The following AMBRA1 variants were observed in gnomAD, a reference collection of about 807,000 sequenced individuals.
AMBRA1 encodes the protein autophagy and beclin 1 regulator 1, also known as activating molecule in BECN1-regulated autophagy protein 1.
Under a neutral mutation model 125.4 loss-of-function variants are expected in AMBRA1, and 47 were observed. The observed-to-expected ratio is 0.37, with a 90% CI of 0.30 to 0.48. The LOEUF (loss-of-function observed/expected upper bound fraction) is 0.48, where lower values mean the gene tolerates loss of function less well. AMBRA1 is among the 20% of genes least tolerant of loss of function. AMBRA1 has a pLI of 0.99. For missense variants in AMBRA1, 1,331 were observed against 1,693.4 expected, an observed-to-expected ratio of 0.79 and a Z score of 3.76; for synonymous variants, 626 against 655.5, an observed-to-expected ratio of 0.95 and a Z score of 0.69.
chr11:46,468,664 T>A (rs541943038), intron 11 of AMBRA1, among the ~76,000 whole-genome samples: 85 of 145,722 alleles, frequency 5.8e-4, no homozygotes, highest in African/African-American at 2.0e-3. Context: ...AAAAAAAAAA[T>A]AGCCGGGTGT....
intron 1 of AMBRA1, among the ~76,000 whole-genome samples, chr11:46,573,756 G>A (rs541724669): frequency 5.8e-4 from 87 of 149,358 alleles, no homozygotes; most frequent in Non-Finnish European, 7.7e-4. Flanking sequence ...ATGCTGGTGC[G>A]CTGCACCCAC....
At chr11:46,552,816 A>G (rs1234068565) in intron 1 of AMBRA1, among the ~76,000 whole-genome samples, 1 of 152,200 alleles carries the variant, frequency 6.6e-6, no homozygotes, top group Non-Finnish European at 1.5e-5. Flanking sequence ...AAATACAATA[A>G]ATACTAACCA....
At chr11:46,400,820 C>T (rs1434080158) in intron 17 of AMBRA1, among the ~76,000 whole-genome samples, 2 of 152,076 alleles carry the variant, frequency 1.3e-5, no homozygotes, top group East Asian at 1.9e-4. Flanking sequence ...GCATTATGTC[C>T]TCTCTTGCTT....
intron 14 of AMBRA1, among the ~76,000 whole-genome samples, chr11:46,431,473 C>A (rs1947454599): frequency 6.6e-6 from 1 of 152,216 alleles, no homozygotes; most frequent in African/African-American, 2.4e-5. Flanking sequence ...ACCTTGGCTT[C>A]TGCTTTGTAA....
At chr11:46,406,372 TAAAA>T (rs529275776) in intron 17 of AMBRA1, among the ~76,000 whole-genome samples, 1 of 81,526 alleles carries the variant, frequency 1.2e-5, no homozygotes, top group Non-Finnish European at 2.3e-5. Flanking sequence ...ATCTTTAAAT[TAAAA>T]AAAAAAAAAA....
chr11:46,569,428 TA>T (rs60592464), intron 1 of AMBRA1, among the ~76,000 whole-genome samples: 1,884 of 127,024 alleles, frequency 0.015, 51 homozygotes, highest in East Asian at 0.097. Flanking sequence ...ACTGAGAGAT[TA>T]AAAAAAAAAA....
intron 11 of AMBRA1, among the ~76,000 whole-genome samples, chr11:46,478,658 T>TA (rs573405657): frequency 6.7e-5 from 9 of 135,038 alleles, no homozygotes; most frequent in Non-Finnish European, 1.1e-4. Flanking sequence ...CTTTTTTTTT[T>TA]TTTTTTTTTT....
rs866777974 is a variant in AMBRA1, at chr11:46,495,675, C to T, written c.2340-1471G>A. On this transcript the variant is annotated intron_variant, in intron 9 of 17. Coordinates refer to ENST00000683756, the MANE Select transcript of AMBRA1 (RefSeq NM_001387011.1). ...CCAGCAGACTGCAGTTACTGGGGAG[C>T]CCACAAATTATACATGTACACAGAG... Among the ~76,000 whole-genome samples the T allele has an allele frequency of 4.6e-5, 7 of 152,226 alleles. No homozygotes were observed. In the South Asian group the frequency reaches 6.2e-4, roughly 14 times the overall value.
intron 1 of AMBRA1, among the ~76,000 whole-genome samples, chr11:46,550,078 C>T (rs2042945706): frequency 6.6e-6 from 1 of 152,222 alleles, no homozygotes; most frequent in Admixed American, 6.5e-5. Context: ...CTCAGCCTCC[C>T]AAAGTGCTGG....
chr11:46,564,094 A>T (rs1397152016), intron 1 of AMBRA1, among the ~76,000 whole-genome samples: 1 of 146,076 alleles, frequency 6.8e-6, no homozygotes, highest in African/African-American at 2.5e-5. Context: ...CAGTGAGCCG[A>T]GATGGCGCCA....
At chr11:46,495,685 A>G (rs551486820) in intron 9 of AMBRA1, among the ~76,000 whole-genome samples, 7 of 152,364 alleles carry the variant, frequency 4.6e-5, no homozygotes, top group African/African-American at 1.7e-4. Context: ...CCCACAAATT[A>G]TACATGTACA....
chr11:46,413,296 A>G (rs754805933), intron 15 of AMBRA1, among the ~76,000 whole-genome samples: 6 of 152,256 alleles, frequency 3.9e-5, no homozygotes, highest in Non-Finnish European at 7.4e-5. Context: ...TTGCTCCACT[A>G]TGCCTCCCCA....
chr11:46,565,603 A>G (rs1158135609), intron 1 of AMBRA1, among the ~76,000 whole-genome samples: 1 of 152,012 alleles, frequency 6.6e-6, no homozygotes, highest in Non-Finnish European at 1.5e-5. Context: ...GTTACTTAGG[A>G]GGCAGAGGTG....
intron 15 of AMBRA1, among the ~76,000 whole-genome samples, chr11:46,411,750 T>C (rs1489300344): frequency 6.6e-6 from 1 of 152,182 alleles, no homozygotes; most frequent in African/African-American, 2.4e-5. Context: ...ATTACAGGCA[T>C]GAACCACTGC....
chr11:46,542,450 C>T lies in AMBRA1; in HGVS notation c.1567G>A (p.Glu523Lys). Residue 523 changes from glutamate (E) to lysine (K), a missense_variant, in exon 7 of 18, where the codon GAA (glutamate) becomes AAA (lysine). By Grantham distance (56) the Glu-to-Lys change is moderately conservative. Around this residue, in one of 4 missense-constraint regions of AMBRA1, gnomAD observed 689 missense variants for 776.5 expected, o/e 0.89. Coordinates refer to ENST00000683756, the MANE Select transcript of AMBRA1 (RefSeq NM_001387011.1). This position sits in a 1 kb window ranked among gnomAD's most constrained non-coding sequence, Gnocchi z 5.9. ...LQELDQSLSG[E>K]APQTQQAQEM... ...TGGGCCTGTTGGGTCTGGGGAGCTT[C>T]CCCACTCAGGCTCTGATCCAGCTCC... The T allele has an allele frequency of 1.9e-6, 3 of 1,614,016 alleles. No homozygotes were observed. Among genetic ancestry groups the T allele is most frequent in the Non-Finnish European group, 1.7e-6 (2 of 1,180,036 alleles).
intron 1 of AMBRA1, among the ~76,000 whole-genome samples, chr11:46,558,691 A>C (rs2043235923): frequency 6.6e-6 from 1 of 152,200 alleles, no homozygotes; most frequent in Admixed American, 6.6e-5. Flanking sequence ...TATGGAAATT[A>C]ATAAATTTAG....
rs924290032 is a variant in AMBRA1, at chr11:46,396,772, G to A, written c.*678C>T. ...AGAAGACTGGTGGACAAGCCCTGGG[G>A]GCTGGCCAGCCTACACCCCCCACTC... On this transcript the variant is annotated 3_prime_UTR_variant, in exon 18 of 18. Coordinates refer to ENST00000683756, the MANE Select transcript of AMBRA1 (RefSeq NM_001387011.1). 1 of 152,708 alleles carries A rather than the reference G, an allele frequency of 6.5e-6. No individual in the cohort carries two copies. Among genetic ancestry groups the A allele is most frequent in the South Asian group, 2.1e-4 (1 of 4,836 alleles). 9.5% of individuals were successfully genotyped at this position (152,708 alleles called of 1,614,324 possible).
intron 15 of AMBRA1, among the ~76,000 whole-genome samples, chr11:46,416,081 T>C (rs1185298277): frequency 6.6e-6 from 1 of 152,122 alleles, no homozygotes; most frequent in Non-Finnish European, 1.5e-5. Flanking sequence ...AAAACAACAC[T>C]GCTGAGGAAA....
chr11:46,524,792 C>T (rs1565251554), intron 7 of AMBRA1, among the ~76,000 whole-genome samples: 2 of 152,162 alleles, frequency 1.3e-5, no homozygotes, highest in African/African-American at 4.8e-5. Context: ...TAAAAAGGTA[C>T]TTTGTCAGAA....
Sources: allele counts gnomAD v4.1 joint callset (sites outside exome capture counted in the v4.1 genomes callset), GRCh38; gene constraint gnomAD v4.1.1; regional missense constraint gnomAD v4.1.1; non-coding constraint Gnocchi (gnomAD v3.1); transcripts MANE v1.5; gene names NCBI Gene and HGNC (gene_info 2026-07-23, HGNC 2026-07-21).